FAM227B: variants seen among roughly 807,000 people sequenced by gnomAD.
FAM227B encodes family with sequence similarity 227 member B.
In FAM227B, 88 loss-of-function variants were observed where a neutral mutation model predicts 73.8. The observed-to-expected ratio is 1.19, with a 90% CI of 1.00 to 1.42. The LOEUF is 1.42. Among genes scored for constraint, FAM227B ranks in the 40% most tolerant of loss-of-function variants. The pLI is 0.00. For synonymous variants in FAM227B, 210 were observed against 190.5 expected (o/e 1.10, Z -0.84); for missense variants, 632 against 590.9 (o/e 1.07, Z -0.72).
At chr15:49,411,449 T>C (rs1039085054) in intron 11 of FAM227B, among the ~76,000 whole-genome samples, 2 of 152,128 alleles carry the variant, frequency 1.3e-5, no homozygotes, top group African/African-American at 4.8e-5. Flanking sequence ...TTGATACTTC[T>C]GAGTTTGCAT....
chr15:49,446,608 A>G (rs1177465418), intron 11 of FAM227B, among the ~76,000 whole-genome samples: 1 of 151,490 alleles, frequency 6.6e-6, no homozygotes. Context: ...TTTTTAAAGA[A>G]GAGAACAAAA....
At chr15:49,613,129 C>T (rs547406282) in intron 2 of FAM227B, among the ~76,000 whole-genome samples, 22 of 151,974 alleles carry the variant, frequency 1.4e-4, no homozygotes, top group African/African-American at 5.3e-4. Flanking sequence ...GACAGGAGGA[C>T]TGCTTGAGCC....
At chr15:49,407,448 ATC>A (rs2048590759) in intron 11 of FAM227B, among the ~76,000 whole-genome samples, 1 of 151,702 alleles carries the variant, frequency 6.6e-6, no homozygotes, top group Non-Finnish European at 1.5e-5. Flanking sequence ...CCCTCTGAAG[ATC>A]TGTTAGGAAT....
intron 10 of FAM227B, among the ~76,000 whole-genome samples, chr15:49,530,955 A>G (rs1253730136): frequency 6.6e-6 from 1 of 151,754 alleles, no homozygotes; most frequent in Non-Finnish European, 1.5e-5. Context: ...CCAACAGAGA[A>G]TATTCTTTTG....
chr15:49,537,500 G>A (rs2070444119), intron 10 of FAM227B, among the ~76,000 whole-genome samples: 1 of 152,094 alleles, frequency 6.6e-6, no homozygotes, highest in Admixed American at 6.6e-5. Flanking sequence ...GAGGAAAACA[G>A]TATGAGAGTT....
chr15:49,588,260 A>G (rs1047979447), intron 4 of FAM227B, among the ~76,000 whole-genome samples, 177 bp from the exon 5 acceptor site: 2 of 151,936 alleles, frequency 1.3e-5, no homozygotes, highest in Admixed American at 1.3e-4. Context: ...AACTGGAATT[A>G]TTATATAAAG....
intron 8 of FAM227B, among the ~76,000 whole-genome samples, chr15:49,570,078 T>C (rs1327616399): frequency 6.6e-6 from 1 of 152,044 alleles, no homozygotes; most frequent in Non-Finnish European, 1.5e-5. Context: ...TCTTAGCTAT[T>C]GTGCTGCAAT....
intron 11 of FAM227B, chr15:49,483,122 T>C: frequency 3.3e-6 from 4 of 1,207,658 alleles, no homozygotes; most frequent in Non-Finnish European, 3.6e-6. Flanking sequence ...GAACGAATAT[T>C]TGACATGTCT....
chr15:49,577,666 T>C lies in FAM227B; in HGVS notation c.406-2A>G. 1 of 1,549,584 alleles carries C rather than the reference T, an allele frequency of 6.5e-7. No homozygotes were observed. Among genetic ancestry groups the C allele is most frequent in the South Asian group, 1.2e-5 (1 of 84,610 alleles). On this transcript the variant is annotated splice_acceptor_variant, in intron 5 of 15. Transcript: ENST00000299338. LOFTEE classifies it high-confidence loss of function. ...CTCTGTCTCCATTTCATCTGAAAGC[T>C]GGAAAACATTTTAAATAAACTCTTT...
intron 10 of FAM227B, among the ~76,000 whole-genome samples, chr15:49,525,683 T>C (rs1400593518): frequency 9.1e-4 from 48 of 52,484 alleles, no homozygotes; most frequent in East Asian, 4.4e-3. Flanking sequence ...TATATATATA[T>C]ATATATATAT....
intron 11 of FAM227B, among the ~76,000 whole-genome samples, chr15:49,455,984 C>A (rs1462780096): frequency 6.6e-6 from 1 of 152,058 alleles, no homozygotes; most frequent in Non-Finnish European, 1.5e-5. Flanking sequence ...TCTAGAAGAG[C>A]TTTCTATTGA....
chr15:49,332,861 C>T (rs899766735), intron 14 of FAM227B, among the ~76,000 whole-genome samples: 6 of 152,110 alleles, frequency 3.9e-5, no homozygotes, highest in South Asian at 2.1e-4. Context: ...ATTACTTAGT[C>T]GGAGGTTCTC....
Position 49,589,813 on chromosome 15 carries a change from A to G in FAM227B, c.300T>C (p.Ser100=), listed in dbSNP as rs1211484627. 1 of 1,600,902 alleles carries G rather than the reference A, an allele frequency of 6.2e-7. No individual in the cohort carries two copies. Among genetic ancestry groups the G allele is most frequent in the South Asian group, 1.1e-5 (1 of 90,620 alleles). The change falls in exon 4 of 16, where the codon TCT becomes TCC. Residue 100 remains serine, a synonymous_variant. Transcript: ENST00000299338. ...TCATGCTTTTCCACTTAAATATTTC[A>G]GAGGTGTGGTTTTGCAAAATAAGTG... ...EYSLILQNHT[S]EIFKWKSMIS...
chr15:49,481,326 A>G (rs1232321984), intron 11 of FAM227B, among the ~76,000 whole-genome samples: 1 of 152,212 alleles, frequency 6.6e-6, no homozygotes, highest in Non-Finnish European at 1.5e-5. Context: ...TGAATCAATG[A>G]ATTTCTTCAG....
At chr15:49,606,115 C>T (rs138629222) in intron 3 of FAM227B, 5 of 152,316 alleles carry the variant, frequency 3.3e-5, no homozygotes, top group African/African-American at 9.6e-5. Flanking sequence ...TTCTGTGCCA[C>T]GCCTAGGACT....
intron 11 of FAM227B, among the ~76,000 whole-genome samples, chr15:49,477,934 T>C (rs1294466881): frequency 1.3e-5 from 2 of 152,232 alleles, no homozygotes; most frequent in Non-Finnish European, 2.9e-5. Context: ...TAATTTCAAC[T>C]TTTATTTTAG....
At chr15:49,426,115 C>T (rs1314793046) in intron 11 of FAM227B, among the ~76,000 whole-genome samples, 1 of 151,642 alleles carries the variant, frequency 6.6e-6, no homozygotes, top group Non-Finnish European at 1.5e-5. Flanking sequence ...AATTATGACA[C>T]ATGGGGCAAC....
chr15:49,500,834 T>C (rs1597648727), intron 11 of FAM227B, among the ~76,000 whole-genome samples: 1 of 152,044 alleles, frequency 6.6e-6, no homozygotes, highest in East Asian at 1.9e-4. Flanking sequence ...ATTCCCTTGG[T>C]GGTAAGTGAG....
rs1368457714 is a variant in FAM227B, at chr15:49,438,452, T to C, written c.1013-67053A>G. Among the ~76,000 whole-genome samples the C allele has an allele frequency of 4.6e-5, 7 of 151,844 alleles. 1 individual carries two copies. Among genetic ancestry groups the C allele is most frequent in the African/African-American group, 1.7e-4 (7 of 41,518 alleles). ...TACAGGGATTTATAAATGGACCAGA[T>C]TGTCAATTGCAGAAGAGAAAAGGGA... On this transcript the variant is annotated intron_variant, in intron 11 of 15. Transcript: ENST00000299338.
Sources: gnomAD v4.1 joint callset for allele counts (sites outside exome capture counted in the v4.1 genomes callset) on GRCh38, gnomAD v4.1.1 for gene constraint, MANE v1.5 for transcripts, NCBI Gene and HGNC (gene_info 2026-07-23, HGNC 2026-07-21) for gene names.